The following SHANK2 variants were observed in gnomAD, a reference collection of about 807,000 sequenced individuals.
SHANK2 encodes SH3 and multiple ankyrin repeat domains 2.
Under a neutral mutation model 133.7 loss-of-function variants are expected in SHANK2, and 43 were observed. That is an observed-to-expected ratio of 0.32 (90% CI 0.25 to 0.41). SHANK2 has a LOEUF of 0.41. SHANK2 is among the 10% of genes least tolerant of loss of function. The pLI is 1.00. For synonymous variants in SHANK2, 1,017 were observed against 952.8 expected, an observed-to-expected ratio of 1.07 and a Z score of -1.24; for missense variants, 1,994 against 2,235.8, an observed-to-expected ratio of 0.89 and a Z score of 2.18.
intron 2 of SHANK2, among the ~76,000 whole-genome samples, chr11:71,155,529 T>C (rs1270248699): frequency 1.3e-5 from 2 of 151,126 alleles, no homozygotes; most frequent in African/African-American, 4.9e-5. Flanking sequence ...ACCCTCAACA[T>C]GGAGACACCA....
intron 10 of SHANK2, among the ~76,000 whole-genome samples, chr11:70,952,458 T>G (rs1187935709): frequency 6.6e-6 from 1 of 152,222 alleles, no homozygotes; most frequent in East Asian, 1.9e-4. Flanking sequence ...TTAAAGTGGA[T>G]AGACACAAGC....
intron 17 of SHANK2, among the ~76,000 whole-genome samples, chr11:70,508,218 G>A (rs782323755): frequency 1.1e-4 from 16 of 152,302 alleles, no homozygotes; most frequent in South Asian, 2.1e-4. Flanking sequence ...TGGTGCCCAC[G>A]TGCTGCTGGG....
At chr11:70,766,664 C>G (rs1432125055) in intron 14 of SHANK2, among the ~76,000 whole-genome samples, 3 of 152,176 alleles carry the variant, frequency 2.0e-5, no homozygotes, top group Non-Finnish European at 4.4e-5. Flanking sequence ...CCCCTCAGAA[C>G]AGACGGGGCC....
intron 17 of SHANK2, chr11:70,603,361 G>C (rs2136334634): frequency 6.6e-6 from 1 of 152,644 alleles, no homozygotes; most frequent in East Asian, 1.9e-4. Context: ...CCTCCTCCAG[G>C]CTTCCCTTCC....
intron 3 of SHANK2, among the ~76,000 whole-genome samples, chr11:71,141,571 G>C (rs1565475154): frequency 6.6e-6 from 1 of 152,080 alleles, no homozygotes; most frequent in Non-Finnish European, 1.5e-5. Flanking sequence ...CCATAATTGT[G>C]AGGCCTCCCC....
intron 17 of SHANK2, among the ~76,000 whole-genome samples, chr11:70,552,618 C>T (rs1213548080): frequency 1.3e-5 from 2 of 152,182 alleles, no homozygotes; most frequent in Non-Finnish European, 2.9e-5. Context: ...GGGCAAGCCG[C>T]GGGCCACCAT....
At chr11:71,119,938 G>T (rs1365340362) in intron 3 of SHANK2, among the ~76,000 whole-genome samples, 4 of 152,100 alleles carry the variant, frequency 2.6e-5, no homozygotes, top group African/African-American at 9.7e-5. Context: ...ACACTGACGA[G>T]AAAGTTTTCA....
Position 71,118,843 on chromosome 11 carries a change from C to G in SHANK2, c.397G>C (p.Val133Leu). The G allele has an allele frequency of 6.5e-7, 1 of 1,549,222 alleles. No individual in the cohort carries two copies. The highest frequency in any genetic ancestry group is 1.2e-5 in the South Asian group (1 of 83,624). The change falls in exon 4 of 26, where the codon GTT becomes CTT. Residue 133 changes from valine to leucine, a missense_variant. Transcript: ENST00000601538. ...CTGAAATATACCTCCAGGGAAGGAA[C>G]GCCCTCACCCACGGGCTGTGGGTAC... ...REYPQPVGEG[V>L]PSLEFRYKKR...
intron 17 of SHANK2, among the ~76,000 whole-genome samples, chr11:70,524,473 C>T (rs2059371412): frequency 6.6e-6 from 1 of 152,222 alleles, no homozygotes; most frequent in Non-Finnish European, 1.5e-5. Context: ...GCAGCTAAGA[C>T]CTTGTGAATT....
chr11:70,547,122 A>C (rs1591563165), intron 17 of SHANK2, among the ~76,000 whole-genome samples: 1 of 148,544 alleles, frequency 6.7e-6, no homozygotes. Context: ...CCACCCTCTC[A>C]CTCCCACCCA....
At chr11:71,247,604 G>A (rs1180480043) in intron 1 of SHANK2, among the ~76,000 whole-genome samples, 2 of 151,982 alleles carry the variant, frequency 1.3e-5, no homozygotes, top group Non-Finnish European at 2.9e-5. Context: ...CCTCCTGGGG[G>A]GTCTCTGGTG....
At chr11:70,801,291 G>A (rs1357655695) in intron 13 of SHANK2, among the ~76,000 whole-genome samples, 4 of 152,342 alleles carry the variant, frequency 2.6e-5, no homozygotes, top group African/African-American at 9.6e-5. Flanking sequence ...TGTACAAGGA[G>A]GCAGAGGTGA....
Position 70,820,569 on chromosome 11 carries a change from C to T in SHANK2, c.1288G>A (p.Ala430Thr), listed in dbSNP as rs368315298. 34 of 716,780 alleles carry T rather than the reference C, an allele frequency of 4.7e-5. No individual in the cohort carries two copies. Among genetic ancestry groups the T allele is most frequent in the African/African-American group, 3.0e-4 (17 of 57,248 alleles). 44.4% of individuals were successfully genotyped at this position (716,780 alleles called of 1,614,324 possible). A position where few individuals can be genotyped will look rare whatever the true frequency, so the allele number is the denominator to read the frequency against. Residue 430 changes from alanine (A) to threonine (T), a missense_variant, in exon 12 of 26, where the codon GCT (alanine) becomes ACT (threonine). Ala to Thr is a moderately conservative substitution (Grantham distance 58). Transcript: ENST00000601538. Reference sequence around the variant, plus strand: ...GTGGAGCAGACGGCCCAGTCGGGAGCGCTGGCATTGAGGTTGTTGTCACTG... The same window carrying T: ...GTGGAGCAGACGGCCCAGTCGGGAGTGCTGGCATTGAGGTTGTTGTCACTG... The part of the protein sequence containing the change: ...SNSDNNLNAS[A>T]PDWAVCSTAT...
chr11:70,547,322 A>G (rs2059707540), intron 17 of SHANK2, among the ~76,000 whole-genome samples: 1 of 152,166 alleles, frequency 6.6e-6, no homozygotes. Flanking sequence ...GTGCAGTGGT[A>G]CAATATCGGC....
chr11:70,720,521 G>A (rs540692156), intron 14 of SHANK2, among the ~76,000 whole-genome samples: 2 of 152,362 alleles, frequency 1.3e-5, no homozygotes, highest in South Asian at 2.1e-4. Flanking sequence ...CCATGAGGGT[G>A]TGTGGAAAGT....
At position 71,094,581 on chromosome 11, in the gene SHANK2, C is replaced by A. The variant is rs957583823; in HGVS notation, c.700G>T (p.Ala234Ser). The change falls in exon 7 of 26, where the codon GCC becomes TCC. Residue 234 changes from alanine to serine, a missense_variant. By Grantham distance (99) the Ala-to-Ser change is moderately conservative. Coordinates refer to ENST00000601538, the MANE Select transcript of SHANK2 (RefSeq NM_012309.5). ...CTCGCTCGGGCAGCTTTGTGTAGGG[C>A]GGTCATCCCATCTTTGGCACGGAAG... ...LDFRAKDGMT[A>S]LHKAARARNQ... The A allele has an allele frequency of 1.3e-6, 2 of 1,551,602 alleles. No homozygotes were observed. Among genetic ancestry groups the A allele is most frequent in the Middle Eastern group, 1.7e-4 (1 of 5,992 alleles).
At chr11:70,876,276 A>ACACACT (rs1437476748) in intron 11 of SHANK2, among the ~76,000 whole-genome samples, 1 of 150,042 alleles carries the variant, frequency 6.7e-6, no homozygotes, top group Non-Finnish European at 1.5e-5. Flanking sequence ...ACACACACAC[A>ACACACT]CTTGGCTGGG....
chr11:70,529,063 G>C (rs2135964799), intron 17 of SHANK2, among the ~76,000 whole-genome samples: 1 of 152,250 alleles, frequency 6.6e-6, no homozygotes, highest in African/African-American at 2.4e-5. Flanking sequence ...AACTCAGTGG[G>C]GTTCAGACAC....
At chr11:70,636,785 T>C (rs1011206630) in intron 17 of SHANK2, among the ~76,000 whole-genome samples, 3 of 152,068 alleles carry the variant, frequency 2.0e-5, no homozygotes, top group Admixed American at 6.5e-5. Flanking sequence ...TGTGTGAGCA[T>C]GTGTGAGCGT....
Sources: allele counts gnomAD v4.1 joint callset (sites outside exome capture counted in the v4.1 genomes callset), GRCh38; gene constraint gnomAD v4.1.1; transcripts MANE v1.5; gene names NCBI Gene and HGNC (gene_info 2026-07-23, HGNC 2026-07-21).